The following ZNF763 variants were observed in gnomAD, a reference collection of about 807,000 sequenced individuals.
ZNF763 encodes zinc finger protein 763, also known as DNA-binding protein.
In ZNF763, 33 loss-of-function variants were observed where a neutral mutation model predicts 38.0. That is an observed-to-expected ratio of 0.87 (90% CI 0.66 to 1.16). ZNF763 has a LOEUF of 1.16. Ranked by LOEUF, ZNF763 falls within the 50% of genes most tolerant of loss-of-function variation. ZNF763 has a pLI of 0.00. For synonymous variants in ZNF763, 155 were observed against 160.1 expected, an observed-to-expected ratio of 0.97 and a Z score of 0.24; for missense variants, 423 against 469.1, an observed-to-expected ratio of 0.90 and a Z score of 0.91.
chr19:11,974,213 T>C (rs1048424061), intron 1 of ZNF763, among the ~76,000 whole-genome samples: 2 of 150,334 alleles, frequency 1.3e-5, no homozygotes, highest in African/African-American at 2.5e-5. Context: ...TTTTTGTTTT[T>C]TGTTTTGTGT....
At chr19:11,976,808 C>T (rs572331664) in intron 1 of ZNF763, 10 of 1,248,618 alleles carry the variant, frequency 8.0e-6, no homozygotes, top group South Asian at 5.4e-5. Flanking sequence ...GAGCCAAGAT[C>T]GCATCATTAT....
chr19:11,968,070 A>C (rs1022961088), intron 1 of ZNF763, among the ~76,000 whole-genome samples: 1 of 152,150 alleles, frequency 6.6e-6, no homozygotes, highest in Admixed American at 6.6e-5. Context: ...TTAATGTCAA[A>C]CATGTTATGA....
At position 11,979,474 on chromosome 19, in the gene ZNF763, TGGGA is replaced by T; in HGVS notation, c.*366_*369del. 1 of 1,604,018 alleles carries T rather than the reference TGGGA, an allele frequency of 6.2e-7. No homozygotes were observed. The highest frequency in any genetic ancestry group is 1.1e-5 in the South Asian group (1 of 90,760). ...AAAGACCTTATAAATGTAAGACATG[TGGGA>T]AAGGCTTTTATTCTCCCACGTCATT... On this transcript the variant is annotated 3_prime_UTR_variant, in exon 4 of 4. Coordinates refer to ENST00000358987, the MANE Select transcript of ZNF763 (RefSeq NM_001367172.2).
intron 1 of ZNF763, among the ~76,000 whole-genome samples, chr19:11,974,359 A>G (rs72988661): frequency 0.019 from 2,845 of 150,362 alleles, 35 homozygotes; most frequent in African/African-American, 0.026. Flanking sequence ...TCCACTCCTG[A>G]TAAATTTTTG....
Position 11,978,761 on chromosome 19 carries a change from TG to T in ZNF763, c.842del (p.Gly281GlufsTer117). The T allele has an allele frequency of 1.9e-6, 3 of 1,614,028 alleles. No individual in the cohort carries two copies. Among genetic ancestry groups the T allele is most frequent in the Non-Finnish European group, 2.5e-6 (3 of 1,179,958 alleles). On this transcript the variant is annotated frameshift_variant, in exon 4 of 4. Coordinates refer to ENST00000358987, the MANE Select transcript of ZNF763 (RefSeq NM_001367172.2). LOFTEE classifies it high-confidence loss of function. ...SFQAHKRTHT[G>X]GKPYECKQCG... Reference sequence around the variant, plus strand: ...TTCAAGCACATAAAAGAACCCACACTGGGGGAAAGCCATATGAATGTAAACA... The same window carrying T: ...TTCAAGCACATAAAAGAACCCACACTGGGGAAAGCCATATGAATGTAAACA...
chr19:11,977,344 G>A, intron 2 of ZNF763, 27 bp from the exon 3 acceptor site: 2 of 1,612,796 alleles, frequency 1.2e-6, no homozygotes, highest in East Asian at 2.2e-5. Flanking sequence ...ATTGCTTCAG[G>A]ACTACTTTTC....
chr19:11,965,909 G>A (rs1157831123), intron 1 of ZNF763, among the ~76,000 whole-genome samples: 1 of 152,116 alleles, frequency 6.6e-6, no homozygotes, highest in African/African-American at 2.4e-5. Flanking sequence ...AGAAAGGGCG[G>A]GACCTGTGGA....
intron 1 of ZNF763, among the ~76,000 whole-genome samples, chr19:11,965,775 C>A (rs561160455): frequency 3.3e-5 from 5 of 152,126 alleles, no homozygotes; most frequent in African/African-American, 4.8e-5. Flanking sequence ...AAACACAACC[C>A]CAAGAAGCCT....
chr19:11,979,008 C>A lies in ZNF763; in HGVS notation c.1084C>A (p.His362Asn), dbSNP rs1973561369. Residue 362 changes from histidine to asparagine, a missense_variant, in exon 4 of 4, where the codon CAC becomes AAC. Transcript: ENST00000358987. ...PSSLRRHERTHSAKKPYECKQ... is the reference protein window; with the variant it reads ...PSSLRRHERTNSAKKPYECKQ... The stretch of plus-strand genomic sequence containing the variant: ...TTCCCTTCGTAGACATGAAAGGACC[C>A]ACTCTGCGAAAAAACCTTATGAATG... The A allele has an allele frequency of 6.2e-7, 1 of 1,614,158 alleles. No homozygotes were observed. The highest frequency in any genetic ancestry group is 8.5e-7 in the Non-Finnish European group (1 of 1,180,020).
In ZNF763 at chr19:11,980,242, G is replaced by C. The variant is rs368129645; in HGVS notation, c.*1133G>C. 9 of 357,266 alleles carry C rather than the reference G, an allele frequency of 2.5e-5. No homozygotes were observed. Among genetic ancestry groups the C allele is most frequent in the African/African-American group, 1.3e-4 (6 of 46,246 alleles). 22.1% of individuals were successfully genotyped at this position (357,266 alleles called of 1,614,324 possible). On this transcript the variant is annotated 3_prime_UTR_variant, in exon 4 of 4. Coordinates refer to ENST00000358987, the MANE Select transcript of ZNF763 (RefSeq NM_001367172.2). ...CTAAAACTACAAAAATTGGCCAGGC[G>C]TGGTGGCCTGCTTCTGTAATCCTAG...
In ZNF763 at chr19:11,979,590, G is replaced by C. The variant is rs60990097; in HGVS notation, c.*481G>C. On this transcript the variant is annotated 3_prime_UTR_variant, in exon 4 of 4. Coordinates refer to ENST00000358987, the MANE Select transcript of ZNF763 (RefSeq NM_001367172.2). ...GCCTTCAGTAGTTCCAGTTCCTTTT[G>C]GTACCATGAAAGGACTCACACTGGA... The C allele has an allele frequency of 0.013, 20,329 of 1,589,400 alleles. 1,479 individuals are homozygous for C. The African/African-American group carries it at 0.2, about 15-fold the overall frequency.
chr19:11,967,700 G>A (rs1973265318), intron 1 of ZNF763, among the ~76,000 whole-genome samples: 1 of 152,112 alleles, frequency 6.6e-6, no homozygotes, highest in African/African-American at 2.4e-5. Context: ...ACCATGTCCG[G>A]CCCCTGTCTC....
intron 1 of ZNF763, among the ~76,000 whole-genome samples, chr19:11,971,976 C>A (rs1973360680): frequency 6.6e-6 from 1 of 151,666 alleles, no homozygotes; most frequent in South Asian, 2.1e-4. Context: ...GCAGGAGAAT[C>A]GCTTGAACCC....
intron 1 of ZNF763, 79 bp downstream of exon 1, chr19:11,965,290 G>A (rs1386832340): frequency 5.6e-6 from 9 of 1,596,478 alleles, no homozygotes; most frequent in African/African-American, 1.3e-5. Context: ...GGCGGGACCC[G>A]GGCCTCCCTG....
intron 3 of ZNF763, among the ~76,000 whole-genome samples, chr19:11,977,779 C>T (rs983426237): frequency 6.6e-6 from 1 of 152,112 alleles, no homozygotes; most frequent in African/African-American, 2.4e-5. Context: ...TCACTCAAGC[C>T]CCCAGGAGTT....
intron 1 of ZNF763, among the ~76,000 whole-genome samples, chr19:11,972,319 GA>G (rs1973370027): frequency 6.6e-6 from 1 of 151,904 alleles, no homozygotes; most frequent in Non-Finnish European, 1.5e-5. Flanking sequence ...AAAGAAAAAA[GA>G]AAAAAATGAG....
In ZNF763 at chr19:11,980,546, C is replaced by G. The variant is rs1026223952; in HGVS notation, c.*1437C>G. ...GTAAAACATAGAAATTCATTTATAC[C>G]TTAGAAAGCTATTTTTTTCAGGTTG... is the stretch of plus-strand genomic sequence containing the variant. On this transcript the variant is annotated 3_prime_UTR_variant, in exon 4 of 4. Coordinates refer to ENST00000358987, the MANE Select transcript of ZNF763 (RefSeq NM_001367172.2). 3.6e-4 allele frequency among the ~76,000 whole-genome samples: 54 copies of G among 152,040 alleles called. No individual in the cohort carries two copies. The highest frequency in any genetic ancestry group is 1.2e-3 in the African/African-American group (50 of 41,366).
In ZNF763 at chr19:11,980,166, G is replaced by T; in HGVS notation, c.*1057G>T. ...AAACCAAAGCAGGTGAATCACCTGA[G>T]GTCAGGAGTTCAAGACTGGCCTGAT... On this transcript the variant is annotated 3_prime_UTR_variant, in exon 4 of 4. Coordinates refer to ENST00000358987, the MANE Select transcript of ZNF763 (RefSeq NM_001367172.2). The T allele has an allele frequency of 1.6e-6, 1 of 640,074 alleles. No individual in the cohort carries two copies. Among genetic ancestry groups the T allele is most frequent in the Non-Finnish European group, 2.6e-6 (1 of 379,712 alleles). 39.6% of individuals were successfully genotyped at this position (640,074 alleles called of 1,614,324 possible). A position where few individuals can be genotyped will look rare whatever the true frequency, so the allele number is the denominator to read the frequency against.
At chr19:11,969,266 G>A (rs572124806) in intron 1 of ZNF763, among the ~76,000 whole-genome samples, 2 of 152,064 alleles carry the variant, frequency 1.3e-5, no homozygotes, top group African/African-American at 2.4e-5. Context: ...CACCACACTC[G>A]GCTAATTTTT....
Sources: gnomAD v4.1 joint callset for allele counts (sites outside exome capture counted in the v4.1 genomes callset) on GRCh38, gnomAD v4.1.1 for gene constraint, MANE v1.5 for transcripts, NCBI Gene and HGNC (gene_info 2026-07-23, HGNC 2026-07-21) for gene names.